The following OSBP2 variants were observed in gnomAD, a reference collection of about 807,000 sequenced individuals.
OSBP2 encodes oxysterol-binding protein 2.
OSBP2 carries 66 observed loss-of-function variants against 96.0 expected under a neutral mutation model. The observed-to-expected ratio is 0.69, with a 90% confidence interval of 0.56 to 0.84. The LOEUF (loss-of-function observed/expected upper bound fraction) is 0.84, where lower values mean the gene tolerates loss of function less well. OSBP2 is among the 40% of genes least tolerant of loss of function. The probability of loss-of-function intolerance (pLI) is 0.00; values close to 1 mark genes in which losing one functional copy is unlikely to be tolerated. For synonymous variants in OSBP2, 525 were observed against 520.9 expected, an observed-to-expected ratio of 1.01 and a Z score of -0.11; for missense variants, 1,038 against 1,222.7, an observed-to-expected ratio of 0.85 and a Z score of 2.25.
chr22:30,842,350 C>G (rs1404361224), intron 2 of OSBP2, among the ~76,000 whole-genome samples: 1 of 152,058 alleles, frequency 6.6e-6, no homozygotes, highest in Non-Finnish European at 1.5e-5. Flanking sequence ...AATCATTGAG[C>G]CTTCAGCCAG....
chr22:30,886,408 T>C (rs1181100607), intron 3 of OSBP2, among the ~76,000 whole-genome samples: 2 of 152,228 alleles, frequency 1.3e-5, no homozygotes, highest in South Asian at 4.1e-4. Flanking sequence ...TTAAGTCTTA[T>C]AGTGGCTCCC....
intron 2 of OSBP2, among the ~76,000 whole-genome samples, chr22:30,845,729 A>G (rs780091497): frequency 4.6e-5 from 7 of 151,922 alleles, no homozygotes; most frequent in Non-Finnish European, 8.8e-5. Flanking sequence ...CAAAAATACA[A>G]AAATTAGCCA....
rs112180268 is a variant in OSBP2 at position 30,737,094 on chromosome 22, C to T, written c.645-4067C>T. On this transcript the variant is annotated intron_variant, in intron 1 of 13. Transcript: ENST00000332585. Reference sequence around the variant, plus strand: ...GCAATGGTGCAATCTTGGCTCGCTGCACCCTCTGCCTCCTGGATTCAAGTG... The same window carrying T: ...GCAATGGTGCAATCTTGGCTCGCTGTACCCTCTGCCTCCTGGATTCAAGTG... Among the ~76,000 whole-genome samples, 993 of 152,278 alleles carry T rather than the reference C, an allele frequency of 6.5e-3. 9 individuals are homozygous for T. The highest frequency in any genetic ancestry group is 0.023 in the African/African-American group (940 of 41,554).
rs148980251 is a variant in OSBP2, at chr22:30,799,930, A to G, written c.853+58561A>G. On this transcript the variant is annotated intron_variant, in intron 2 of 13. Transcript: ENST00000332585. Reference sequence around the variant, plus strand: ...CAGTGCACATTTGTCTTTATTGCCTACAGCAAGGAACTTGATCTTTGAAAT... The same window carrying G: ...CAGTGCACATTTGTCTTTATTGCCTGCAGCAAGGAACTTGATCTTTGAAAT... Among the ~76,000 whole-genome samples the G allele has an allele frequency of 2.0e-4, 30 of 152,364 alleles. No homozygotes were observed. In the East Asian group the frequency reaches 4.8e-3, roughly 24 times the overall value.
At chr22:30,774,169 C>T (rs907037362) in intron 2 of OSBP2, among the ~76,000 whole-genome samples, 1 of 152,156 alleles carries the variant, frequency 6.6e-6, no homozygotes, top group African/African-American at 2.4e-5. Context: ...TCCTTGGCTA[C>T]GTAGCTGTGG....
intron 1 of OSBP2, among the ~76,000 whole-genome samples, chr22:30,727,356 G>C (rs1262292350): frequency 6.6e-6 from 1 of 152,124 alleles, no homozygotes; most frequent in African/African-American, 2.4e-5. Context: ...CAGTGCCCAA[G>C]TACACCAGCA....
intron 3 of OSBP2, among the ~76,000 whole-genome samples, chr22:30,873,367 A>C (rs563847608): frequency 4.9e-4 from 74 of 152,248 alleles, no homozygotes; most frequent in African/African-American, 1.7e-3. Flanking sequence ...TCCCAACCTC[A>C]AAGATCTCCG....
intron 2 of OSBP2, chr22:30,803,065 C>G: frequency 4.9e-6 from 1 of 203,298 alleles, no homozygotes; most frequent in Non-Finnish European, 9.7e-6. Context: ...CCCAGATGGA[C>G]TGAGAGCGCG....
intron 1 of OSBP2, among the ~76,000 whole-genome samples, chr22:30,703,480 C>CG (rs2089195395): frequency 8.0e-6 from 1 of 124,310 alleles, no homozygotes; most frequent in East Asian, 2.4e-4. Context: ...GGCCTTATAG[C>CG]TTTTTTTTTT....
intron 2 of OSBP2, among the ~76,000 whole-genome samples, chr22:30,813,223 A>G (rs1371044978): frequency 8.4e-6 from 1 of 119,728 alleles, no homozygotes; most frequent in African/African-American, 3.3e-5. Context: ...TCTGTTGCCC[A>G]GGCTGGAGTC....
intron 1 of OSBP2, among the ~76,000 whole-genome samples, chr22:30,701,618 C>T (rs531909992): frequency 2.6e-5 from 4 of 152,282 alleles, no homozygotes; most frequent in African/African-American, 9.6e-5. Context: ...GCTGGGATTA[C>T]AGGCGTGAGC....
Position 30,887,563 on chromosome 22 carries a change from G to A in OSBP2, c.1245G>A (p.Arg415=). Residue 415 remains arginine (R), a synonymous_variant, in exon 4 of 14, where the codon CGG becomes CGA. Transcript: ENST00000332585. ...QLAKQHNSLE[R]AFHSAPGRPA... ...CGAAGCAGCACAACAGCCTCGAGCG[G>A]GCCTTCCACAGTGCCCCTGGCCGGC... 1 of 1,613,188 alleles carries A rather than the reference G, an allele frequency of 6.2e-7. No individual in the cohort carries two copies.
intron 2 of OSBP2, among the ~76,000 whole-genome samples, chr22:30,857,606 A>G (rs914592399): frequency 1.3e-5 from 2 of 152,238 alleles, no homozygotes; most frequent in Non-Finnish European, 2.9e-5. Flanking sequence ...CCAAGTAATA[A>G]TGGCCAATGC....
At chr22:30,850,249 G>A (rs930598660) in intron 2 of OSBP2, among the ~76,000 whole-genome samples, 1 of 150,578 alleles carries the variant, frequency 6.6e-6, no homozygotes, top group African/African-American at 2.4e-5. Flanking sequence ...GGAGGTTGCA[G>A]TGAGCTGAGA....
chr22:30,866,757 AAT>A (rs1263738049), intron 2 of OSBP2, among the ~76,000 whole-genome samples: 1 of 145,370 alleles, frequency 6.9e-6, no homozygotes, highest in Non-Finnish European at 1.5e-5. Context: ...AAAAAAAAAA[AAT>A]GTGTGTTGTT....
chr22:30,752,891 T>A (rs535227320), intron 2 of OSBP2, among the ~76,000 whole-genome samples: 56 of 152,316 alleles, frequency 3.7e-4, no homozygotes, highest in African/African-American at 1.3e-3. Flanking sequence ...CTTGGTGTCA[T>A]TGCTACAAAA....
At position 30,888,328 on chromosome 22, in the gene OSBP2, C is replaced by T; in HGVS notation, c.1406C>T (p.Ala469Val). 1 of 1,609,164 alleles carries T rather than the reference C, an allele frequency of 6.2e-7. No individual in the cohort carries two copies. The highest frequency in any genetic ancestry group is 1.7e-5 in the Admixed American group (1 of 60,006). ...STSFITVITE[A>V]KEDSRKAEGS... ...TCCTTCATCACCGTGATCACCGAGGCCAAGGAAGACAGGTAAGGTGGCTGC... is the reference window on the plus strand; with the variant it reads ...TCCTTCATCACCGTGATCACCGAGGTCAAGGAAGACAGGTAAGGTGGCTGC... Residue 469 changes from alanine to valine, a missense_variant, in exon 5 of 14, where the codon GCC becomes GTC. This residue lies in a region of OSBP2 where 737 missense variants were observed against 913.3 expected (regional missense o/e 0.81). Coordinates refer to ENST00000332585, the MANE Select transcript of OSBP2 (RefSeq NM_030758.4).
chr22:30,814,226 C>T (rs992382419), intron 2 of OSBP2, among the ~76,000 whole-genome samples: 1 of 152,090 alleles, frequency 6.6e-6, no homozygotes, highest in African/African-American at 2.4e-5. Context: ...GAAATTGATT[C>T]TGTCACAGTT....
intron 1 of OSBP2, among the ~76,000 whole-genome samples, chr22:30,725,207 A>AAC (rs1190791573): frequency 2.7e-5 from 4 of 148,740 alleles, no homozygotes; most frequent in South Asian, 2.1e-4. Flanking sequence ...CAAAAAAAAA[A>AAC]CAAAAACAAA....
Sources: gnomAD v4.1 joint callset for allele counts (sites outside exome capture counted in the v4.1 genomes callset) on GRCh38, gnomAD v4.1.1 for gene constraint, gnomAD v4.1.1 regional missense constraint, MANE v1.5 for transcripts, NCBI Gene and HGNC (gene_info 2026-07-23, HGNC 2026-07-21) for gene names.